MEP1A: variants seen among roughly 807,000 people sequenced by gnomAD.
MEP1A encodes meprin A subunit alpha, also known as N-benzoyl-L-tyrosyl-P-amino-benzoic acid hydrolase subunit alpha.
MEP1A carries 68 observed loss-of-function variants against 84.5 expected under a neutral mutation model. That is an observed-to-expected ratio of 0.80 (90% CI 0.66 to 0.98). The LOEUF (loss-of-function observed/expected upper bound fraction) is 0.98. Ranked by LOEUF, MEP1A falls within the 50% of genes least tolerant of loss-of-function variation. The pLI, the probability that MEP1A is intolerant of heterozygous loss-of-function variation, is 0.00. For synonymous variants in MEP1A, 337 were observed against 336.8 expected (o/e 1.00, Z -0.01); for missense variants, 887 against 919.9 (o/e 0.96, Z 0.46).
At chr6:46,820,585 A>G (rs559529929) in intron 7 of MEP1A, among the ~76,000 whole-genome samples, 17 of 152,258 alleles carry the variant, frequency 1.1e-4, no homozygotes, top group African/African-American at 4.1e-4. Context: ...ATGGGATTTC[A>G]TCATGTTGGT....
At chr6:46,823,226 G>A (rs533783420) in intron 7 of MEP1A, among the ~76,000 whole-genome samples, 2 of 152,344 alleles carry the variant, frequency 1.3e-5, no homozygotes, top group Admixed American at 6.5e-5. Flanking sequence ...TCAGGCACCT[G>A]CTGGAGCATC....
In MEP1A at chr6:46,834,760, G is replaced by T. The variant is rs1349630656; in HGVS notation, c.1783+9G>T. 4.4e-6 allele frequency: 7 copies of T among 1,605,482 alleles called. No homozygotes were observed. The African/African-American group carries it at 5.4e-5, about 12-fold the overall frequency. Reference sequence around the variant, plus strand: ...ATTTGTGGACTTTGAAGGTACTTTTGTTGGTCTTCCTGAGTAAATAATCCT... The same window carrying T: ...ATTTGTGGACTTTGAAGGTACTTTTTTTGGTCTTCCTGAGTAAATAATCCT... On this transcript the variant is annotated intron_variant, in intron 12 of 13. Coordinates refer to ENST00000230588, the MANE Select transcript of MEP1A (RefSeq NM_005588.3).
At chr6:46,802,404 AT>A (rs1397630496) in intron 5 of MEP1A, among the ~76,000 whole-genome samples, 4 of 151,884 alleles carry the variant, frequency 2.6e-5, no homozygotes, top group Non-Finnish European at 5.9e-5. Context: ...AATACAATGG[AT>A]TTTTATATAT....
rs763595528 is a variant in MEP1A, at chr6:46,793,756, T to C, written c.145+40T>C. The C allele has an allele frequency of 2.1e-6, 3 of 1,442,508 alleles. No individual in the cohort carries two copies. In the South Asian group the frequency reaches 3.5e-5, roughly 17 times the overall value. 89.4% of individuals were successfully genotyped at this position (1,442,508 alleles called of 1,614,324 possible). A position where few individuals can be genotyped will look rare whatever the true frequency, so the allele number is the denominator to read the frequency against. ...TGTGTTATTAAAGTCTTGAAATTACTTGAAACCCAGTGGTGGGATTACTGA... is the reference window on the plus strand; with the variant it reads ...TGTGTTATTAAAGTCTTGAAATTACCTGAAACCCAGTGGTGGGATTACTGA... On this transcript the variant is annotated intron_variant, in intron 3 of 13. Transcript: ENST00000230588.
rs534158618 is a variant in MEP1A, at chr6:46,831,205, T to C, written c.1144+1634T>C. Among the ~76,000 whole-genome samples, 12 of 152,364 alleles carry C rather than the reference T, an allele frequency of 7.9e-5. No homozygotes were observed. The East Asian group carries it at 2.3e-3, about 29-fold the overall frequency. On this transcript the variant is annotated intron_variant, in intron 10 of 13. Transcript: ENST00000230588. ...TAGTTGAATATCACTTAGTGTTGTT[T>C]ATGTGATATTCAACTTAAGACAGTC...
At chr6:46,830,015 G>A (rs1018818621) in intron 10 of MEP1A, among the ~76,000 whole-genome samples, 2 of 152,132 alleles carry the variant, frequency 1.3e-5, no homozygotes, top group South Asian at 4.2e-4. Flanking sequence ...GGAGGCCGAG[G>A]CGGCCTTGTG....
At chr6:46,797,012 G>T (rs1214277767) in intron 3 of MEP1A, among the ~76,000 whole-genome samples, 1 of 152,246 alleles carries the variant, frequency 6.6e-6, no homozygotes, top group East Asian at 1.9e-4. Context: ...CAGGGTTAAA[G>T]AGGTTAAGCA....
chr6:46,825,549 A>G, intron 8 of MEP1A, 56 bp downstream of exon 8: 10 of 1,175,640 alleles, frequency 8.5e-6, no homozygotes, highest in Non-Finnish European at 1.2e-5. Context: ...AGATTCCATC[A>G]GCCTTAGAGA....
Position 46,833,145 on chromosome 6 carries a change from C to T in MEP1A, c.1216C>T (p.Gln406Ter), listed in dbSNP as rs1768114171. ...GGAACAGAAGTTTCGCTACCTTTTCCAGGGCACAAAAGGCGACCCTCAGAA... is the reference window on the plus strand; with the variant it reads ...GGAACAGAAGTTTCGCTACCTTTTCTAGGGCACAAAAGGCGACCCTCAGAA... ...KEEQKFRYLF[Q>*]GTKGDPQNST... The change falls in exon 11 of 14, where the codon CAG (glutamine) becomes TAG (stop). Residue 406 changes from glutamine (Q) to a stop codon, truncating the protein, a stop_gained. Transcript: ENST00000230588. LOFTEE classifies it high-confidence loss of function. 7.0e-6 allele frequency: 11 copies of T among 1,571,268 alleles called. No individual in the cohort carries two copies. The highest frequency in any genetic ancestry group is 9.4e-6 in the Non-Finnish European group (11 of 1,164,194).
chr6:46,820,541 C>G (rs1767748193), intron 7 of MEP1A, among the ~76,000 whole-genome samples: 1 of 152,132 alleles, frequency 6.6e-6, no homozygotes, highest in South Asian at 2.1e-4. Context: ...TGTGTGTCAC[C>G]ATGCCTGGCT....
chr6:46,826,057 A>G (rs1212652263), intron 8 of MEP1A, among the ~76,000 whole-genome samples: 3 of 152,194 alleles, frequency 2.0e-5, no homozygotes, highest in Non-Finnish European at 4.4e-5. Context: ...CTAAGTACAA[A>G]GCCAAATATT....
chr6:46,814,738 G>A (rs1186317208), intron 6 of MEP1A, among the ~76,000 whole-genome samples: 5 of 152,188 alleles, frequency 3.3e-5, no homozygotes, highest in Admixed American at 2.6e-4. Flanking sequence ...CCCACAGGGT[G>A]CTCCCTTGAT....
intron 13 of MEP1A, among the ~76,000 whole-genome samples, chr6:46,838,329 T>A (rs1768262226): frequency 6.6e-6 from 1 of 152,142 alleles, no homozygotes; most frequent in African/African-American, 2.4e-5. Flanking sequence ...TATGCCTTGG[T>A]TATGAGATTA....
At chr6:46,837,396 A>G (rs184378330) in intron 13 of MEP1A, among the ~76,000 whole-genome samples, 348 of 152,346 alleles carry the variant, frequency 2.3e-3, no homozygotes, top group Non-Finnish European at 3.0e-3. Context: ...TTTTATGAAC[A>G]CAATGTTACT....
At position 46,809,406 on chromosome 6, in the gene MEP1A, A is replaced by C; in HGVS notation, c.263-14A>C. On this transcript the variant is annotated splice_polypyrimidine_tract_variant and intron_variant, in intron 5 of 13. Transcript: ENST00000230588. ...CCAAATAATGCTCATTGATATTTTTACTGATTTCTGCAGGGCTGAATGCTA... is the reference window on the plus strand; with the variant it reads ...CCAAATAATGCTCATTGATATTTTTCCTGATTTCTGCAGGGCTGAATGCTA... The C allele has an allele frequency of 6.6e-7, 1 of 1,515,770 alleles. No homozygotes were observed. The allele number at this position is 1,515,770 out of a possible 1,614,324, so 93.9% of individuals were successfully genotyped here.
rs1361002302 is a variant in MEP1A, at chr6:46,819,661, C to G, written c.513C>G (p.Asp171Glu). ...LGFYHEQSRT[D>E]RDDYVNIWWD... ...TTTACCACGAGCAGTCAAGGACGGA[C>G]CGGGATGATTATGTGAACATCTGGT... Residue 171 changes from aspartate (D) to glutamate (E), a missense_variant, in exon 7 of 14, where the codon GAC (aspartate) becomes GAG (glutamate). By Grantham distance (45) the Asp-to-Glu change is conservative (BLOSUM62 2). Coordinates refer to ENST00000230588, the MANE Select transcript of MEP1A (RefSeq NM_005588.3). 3 of 1,613,926 alleles carry G rather than the reference C, an allele frequency of 1.9e-6. No individual in the cohort carries two copies. The highest frequency in any genetic ancestry group is 2.7e-5 in the African/African-American group (2 of 74,882).
At chr6:46,825,045 ATT>A (rs1491342760) in intron 7 of MEP1A, among the ~76,000 whole-genome samples, 14 of 83,330 alleles carry the variant, frequency 1.7e-4, no homozygotes, top group South Asian at 3.9e-4. Flanking sequence ...CTATTTAAAT[ATT>A]TATAAATTAT....
At chr6:46,807,819 G>T (rs897115633) in intron 5 of MEP1A, among the ~76,000 whole-genome samples, 1 of 150,754 alleles carries the variant, frequency 6.6e-6, no homozygotes, top group African/African-American at 2.4e-5. Context: ...AAGAAAGAAA[G>T]AAAGAAAGAA....
chr6:46,799,601 A>G (rs961701288), intron 5 of MEP1A, among the ~76,000 whole-genome samples: 1 of 152,126 alleles, frequency 6.6e-6, no homozygotes, highest in African/African-American at 2.4e-5. Context: ...GAAATAGGAA[A>G]GTCCATATTT....
Sources: gnomAD v4.1 joint callset for allele counts (sites outside exome capture counted in the v4.1 genomes callset) on GRCh38, gnomAD v4.1.1 for gene constraint, MANE v1.5 for transcripts, NCBI Gene and HGNC (gene_info 2026-07-23, HGNC 2026-07-21) for gene names.